PRELID2: variants seen among roughly 807,000 people sequenced by gnomAD.
The protein encoded by PRELID2 is PRELI domain containing 2.
A neutral mutation model predicts 28.4 loss-of-function variants in PRELID2; 25 were observed. The observed-to-expected ratio is 0.88, with a 90% CI of 0.64 to 1.23. PRELID2 has a LOEUF of 1.23. Ranked by LOEUF, PRELID2 falls within the 50% of genes most tolerant of loss-of-function variation. The pLI is 0.00. For synonymous variants in PRELID2, 76 were observed against 71.6 expected (o/e 1.06, Z -0.31); for missense variants, 201 against 214.4 (o/e 0.94, Z 0.39).
At chr5:145,671,652 G>A (rs1408648398) in intron 1 of PRELID2, among the ~76,000 whole-genome samples, 1 of 152,154 alleles carries the variant, frequency 6.6e-6, no homozygotes, top group Non-Finnish European at 1.5e-5. Context: ...ATCCACAGCA[G>A]ACATCATTAA....
intron 5 of PRELID2, among the ~76,000 whole-genome samples, chr5:145,780,557 T>C (rs1758721814): frequency 6.6e-6 from 1 of 152,230 alleles, no homozygotes; most frequent in Admixed American, 6.5e-5. Context: ...AAATATAATT[T>C]AAAATATTTA....
At chr5:145,400,353 TTTC>T in the PRELID2 span, among the ~76,000 whole-genome samples, 1 of 152,084 alleles carries the variant, frequency 6.6e-6, no homozygotes, top group African/African-American at 2.4e-5. Flanking sequence ...CAATCAAACT[TTTC>T]TTCTTCCCAT....
the PRELID2 span, among the ~76,000 whole-genome samples, chr5:145,233,624 C>A: frequency 3.8e-4 from 58 of 152,204 alleles, no homozygotes; most frequent in African/African-American, 1.3e-3. Flanking sequence ...TTAAAAAGGT[C>A]GGAAATGCTG....
At chr5:145,352,117 G>A in the PRELID2 span, among the ~76,000 whole-genome samples, 1 of 152,134 alleles carries the variant, frequency 6.6e-6, no homozygotes, top group Admixed American at 6.6e-5. Context: ...CTGGAGGGTG[G>A]TGACCTTCTC....
At chr5:145,684,289 C>G (rs1754993994) in intron 1 of PRELID2, among the ~76,000 whole-genome samples, 1 of 152,190 alleles carries the variant, frequency 6.6e-6, no homozygotes, top group South Asian at 2.1e-4. Context: ...ACAAACCAAT[C>G]TGAACTTTTA....
At chr5:145,771,405 T>C (rs1417742679) in intron 5 of PRELID2, among the ~76,000 whole-genome samples, 1 of 151,830 alleles carries the variant, frequency 6.6e-6, no homozygotes, top group Non-Finnish European at 1.5e-5. Flanking sequence ...TAAGTGACTG[T>C]ATAATGGAAG....
intron 1 of PRELID2, among the ~76,000 whole-genome samples, chr5:145,491,855 T>C (rs1017843898): frequency 6.6e-6 from 1 of 152,222 alleles, no homozygotes; most frequent in Non-Finnish European, 1.5e-5. Flanking sequence ...GGTTCATCCA[T>C]GTTGTCACAA....
chr5:145,529,652 A>G (rs373319009), intron 1 of PRELID2, among the ~76,000 whole-genome samples: 7 of 152,142 alleles, frequency 4.6e-5, no homozygotes, highest in Admixed American at 6.6e-5. Context: ...GAACAAGACA[A>G]TGTTCCTATT....
At chr5:145,601,898 A>G (rs954259438) in intron 1 of PRELID2, among the ~76,000 whole-genome samples, 1 of 152,202 alleles carries the variant, frequency 6.6e-6, no homozygotes, top group African/African-American at 2.4e-5. Context: ...ACTGCAAGTA[A>G]CTAAAGCTCA....
the PRELID2 span, among the ~76,000 whole-genome samples, chr5:145,353,332 G>C: frequency 6.6e-6 from 1 of 151,986 alleles, no homozygotes; most frequent in Admixed American, 6.6e-5. Flanking sequence ...GTGTGGTAGG[G>C]CACACCTGTA....
At chr5:145,256,708 C>T in the PRELID2 span, among the ~76,000 whole-genome samples, 1 of 151,874 alleles carries the variant, frequency 6.6e-6, no homozygotes, top group East Asian at 1.9e-4. Context: ...CACTGAACTA[C>T]TAAGATTTTT....
In PRELID2 at chr5:145,771,581, A is replaced by G. The variant is rs116653738; in HGVS notation, c.475-6581T>C. Among the ~76,000 whole-genome samples, 647 of 151,910 alleles carry G rather than the reference A, an allele frequency of 4.3e-3. 3 individuals are homozygous for G. Among genetic ancestry groups the G allele is most frequent in the Non-Finnish European group, 6.6e-3 (449 of 67,962 alleles). On this transcript the variant is annotated intron_variant, in intron 5 of 6. Coordinates refer to ENST00000683046, the MANE Select transcript of PRELID2 (RefSeq NM_205846.3). ...AGAAAATGGATGGAAGTGGCTGGGC[A>G]CAGTGGCTCACGCCTGTAATCCCAG... is the stretch of plus-strand genomic sequence containing the variant.
At chr5:145,489,366 G>C (rs1752248077) in intron 1 of PRELID2, among the ~76,000 whole-genome samples, 3 of 152,074 alleles carry the variant, frequency 2.0e-5, no homozygotes, top group Admixed American at 2.0e-4. Flanking sequence ...ATCCATTTTA[G>C]TGATAGTAAT....
intron 4 of PRELID2, among the ~76,000 whole-genome samples, chr5:145,805,670 C>A (rs1753448674): frequency 6.6e-6 from 1 of 152,158 alleles, no homozygotes; most frequent in African/African-American, 2.4e-5. Context: ...TATCACCTAA[C>A]AATGAAGATA....
the PRELID2 span, among the ~76,000 whole-genome samples, chr5:145,292,517 TCA>T: frequency 2.0e-5 from 3 of 152,080 alleles, no homozygotes; most frequent in African/African-American, 7.2e-5. Flanking sequence ...GCAGAGTCTC[TCA>T]CACACAGTCA....
the PRELID2 span, among the ~76,000 whole-genome samples, chr5:145,256,483 AT>A: frequency 6.6e-6 from 1 of 151,942 alleles, no homozygotes; most frequent in African/African-American, 2.4e-5. Flanking sequence ...AAGTCTGCCA[AT>A]TAATAACCTT....
chr5:145,547,925 A>G (rs1250939555), intron 1 of PRELID2, among the ~76,000 whole-genome samples: 2 of 152,202 alleles, frequency 1.3e-5, no homozygotes, highest in Non-Finnish European at 2.9e-5. Context: ...ACATGCAAGA[A>G]TCTTCACTCT....
At chr5:145,736,692 G>A (rs1756506174) in intron 1 of PRELID2, among the ~76,000 whole-genome samples, 1 of 152,114 alleles carries the variant, frequency 6.6e-6, no homozygotes, top group Non-Finnish European at 1.5e-5. Context: ...AGCAACTGAC[G>A]TGGAAGGTAA....
At chr5:145,331,900 G>A in the PRELID2 span, among the ~76,000 whole-genome samples, 4 of 152,138 alleles carry the variant, frequency 2.6e-5, no homozygotes, top group Non-Finnish European at 4.4e-5. Flanking sequence ...TTTTGCAGTG[G>A]CTGGAACTTG....
Sources: gnomAD v4.1 joint callset for allele counts (sites outside exome capture counted in the v4.1 genomes callset) on GRCh38, gnomAD v4.1.1 for gene constraint, MANE v1.5 for transcripts, NCBI Gene and HGNC (gene_info 2026-07-23, HGNC 2026-07-21) for gene names.